Variants in SCAPER observed in about 807,000 individuals in gnomAD.
The protein encoded by SCAPER is S-phase cyclin A associated protein in the ER.
A neutral mutation model predicts 182.2 loss-of-function variants in SCAPER; 98 were observed. The observed-to-expected ratio is 0.54, with a 90% CI of 0.46 to 0.64. SCAPER has a LOEUF of 0.64. SCAPER is among the 30% of genes least tolerant of loss of function. The probability of loss-of-function intolerance (pLI) is 0.00; values close to 1 mark genes in which losing one functional copy is unlikely to be tolerated. For synonymous variants in SCAPER, 605 were observed against 564.6 expected, an observed-to-expected ratio of 1.07 and a Z score of -1.01; for missense variants, 1,432 against 1,690.0, an observed-to-expected ratio of 0.85 and a Z score of 2.68.
intron 14 of SCAPER, among the ~76,000 whole-genome samples, chr15:76,757,959 T>C (rs867453340): frequency 1.3e-5 from 2 of 152,238 alleles, no homozygotes; most frequent in Non-Finnish European, 2.9e-5. Flanking sequence ...GGCTGTTTTC[T>C]TGCCATTGAG....
chr15:76,664,152 G>C (rs1438468945), intron 21 of SCAPER, among the ~76,000 whole-genome samples: 1 of 152,146 alleles, frequency 6.6e-6, no homozygotes, highest in Admixed American at 6.6e-5. Context: ...GTTTTGACAA[G>C]AGCAGCGACA....
chr15:76,612,246 C>T (rs1450879033), intron 22 of SCAPER, among the ~76,000 whole-genome samples: 2 of 151,748 alleles, frequency 1.3e-5, no homozygotes, highest in East Asian at 1.9e-4. Flanking sequence ...TTCTTTTTTG[C>T]TTTTTTTTGA....
At chr15:76,613,738 G>A (rs1038862334) in intron 22 of SCAPER, among the ~76,000 whole-genome samples, 2 of 152,062 alleles carry the variant, frequency 1.3e-5, no homozygotes, top group Non-Finnish European at 2.9e-5. Context: ...AAATGGCTAC[G>A]ATTTAAAAGT....
At chr15:76,848,603 G>T (rs2070387100) in intron 4 of SCAPER, among the ~76,000 whole-genome samples, 2 of 151,976 alleles carry the variant, frequency 1.3e-5, no homozygotes, top group Non-Finnish European at 2.9e-5. Context: ...CAAAGTGCTG[G>T]GATTATAGGC....
At chr15:76,491,485 G>A (rs1156576688) in intron 24 of SCAPER, among the ~76,000 whole-genome samples, 2 of 152,112 alleles carry the variant, frequency 1.3e-5, no homozygotes, top group Non-Finnish European at 2.9e-5. Context: ...TGGGATTGCT[G>A]GATCATACAC....
chr15:76,834,073 G>C (rs1294106457), intron 5 of SCAPER, among the ~76,000 whole-genome samples: 1 of 152,114 alleles, frequency 6.6e-6, no homozygotes, highest in Non-Finnish European at 1.5e-5. Context: ...TCTACACACA[G>C]CACATACTCT....
intron 23 of SCAPER, among the ~76,000 whole-genome samples, chr15:76,553,664 G>A (rs2045961608): frequency 6.6e-6 from 1 of 152,142 alleles, no homozygotes; most frequent in South Asian, 2.1e-4. Context: ...ACAAAGCCAA[G>A]GGCTTGGTCC....
At chr15:76,391,411 C>T (rs1567046241) in intron 27 of SCAPER, among the ~76,000 whole-genome samples, 1 of 152,122 alleles carries the variant, frequency 6.6e-6, no homozygotes, top group African/African-American at 2.4e-5. Flanking sequence ...GTATCTTGTT[C>T]ATCAATCGAT....
At chr15:76,664,168 T>A (rs2056401976) in intron 21 of SCAPER, among the ~76,000 whole-genome samples, 1 of 152,142 alleles carries the variant, frequency 6.6e-6, no homozygotes, top group Non-Finnish European at 1.5e-5. Context: ...CGACAGGCTG[T>A]GACTTACATT....
chr15:76,871,029 A>T (rs968152654), intron 2 of SCAPER, among the ~76,000 whole-genome samples: 16 of 152,256 alleles, frequency 1.1e-4, no homozygotes, highest in Non-Finnish European at 1.6e-4. Flanking sequence ...ATTCTATAAG[A>T]AATAATAAAT....
intron 10 of SCAPER, among the ~76,000 whole-genome samples, chr15:76,771,295 A>G (rs2063458588): frequency 6.6e-6 from 1 of 152,120 alleles, no homozygotes; most frequent in East Asian, 1.9e-4. Context: ...AGATTCTGGA[A>G]TAGGGATGGT....
chr15:76,671,281 C>T (rs1257420780), intron 20 of SCAPER, among the ~76,000 whole-genome samples: 6 of 152,036 alleles, frequency 3.9e-5, no homozygotes, highest in Non-Finnish European at 7.4e-5. Flanking sequence ...AACAGTGAGC[C>T]GTGATTGCAC....
In SCAPER at chr15:76,835,329, T is replaced by G. The variant is rs116970681; in HGVS notation, c.393+6405A>C. On this transcript the variant is annotated intron_variant, in intron 5 of 31. Transcript: ENST00000563290. ...CTAGCAAACAGAATCAAGCAGCACA[T>G]CAAAAAGTTAATTCACCATGATCAA... 3.4e-4 allele frequency among the ~76,000 whole-genome samples: 51 copies of G among 151,838 alleles called. 2 individuals are homozygous for G. In the East Asian group the frequency reaches 9.1e-3, roughly 27 times the overall value.
intron 21 of SCAPER, among the ~76,000 whole-genome samples, chr15:76,657,119 TGACA>T (rs890996161): frequency 6.6e-5 from 10 of 152,046 alleles, no homozygotes; most frequent in South Asian, 4.2e-4. Flanking sequence ...TTGATTTTTT[TGACA>T]GACAAAGTAA....
chr15:76,843,078 C>G (rs2069639356), intron 4 of SCAPER, among the ~76,000 whole-genome samples: 1 of 152,204 alleles, frequency 6.6e-6, no homozygotes, highest in Non-Finnish European at 1.5e-5. Context: ...TACCATTCAT[C>G]CCTACCTGTT....
intron 23 of SCAPER, among the ~76,000 whole-genome samples, chr15:76,518,954 C>T (rs182525609): frequency 7.2e-4 from 109 of 152,324 alleles, no homozygotes; most frequent in Non-Finnish European, 3.4e-4. Flanking sequence ...CCACTGAATT[C>T]TAACTTTAGA....
At chr15:76,809,472 T>G (rs2066429860) in intron 5 of SCAPER, among the ~76,000 whole-genome samples, 1 of 151,672 alleles carries the variant, frequency 6.6e-6, no homozygotes, top group African/African-American at 2.4e-5. Flanking sequence ...CAACTAAAAA[T>G]TTTAATATAG....
At chr15:76,733,181 A>C (rs999249487) in intron 16 of SCAPER, 48 bp downstream of exon 16, 6 of 1,534,202 alleles carry the variant, frequency 3.9e-6, no homozygotes, top group Non-Finnish European at 5.3e-6. Context: ...TGGACCCTAC[A>C]AATATGACAG....
chr15:76,588,440 C>A (rs991166087), intron 22 of SCAPER, among the ~76,000 whole-genome samples: 1 of 152,146 alleles, frequency 6.6e-6, no homozygotes, highest in Non-Finnish European at 1.5e-5. Context: ...TTTCCATTTG[C>A]ATGGAATGTC....
Sources: gnomAD v4.1 joint callset for allele counts (sites outside exome capture counted in the v4.1 genomes callset) on GRCh38, gnomAD v4.1.1 for gene constraint, MANE v1.5 for transcripts, NCBI Gene and HGNC (gene_info 2026-07-23, HGNC 2026-07-21) for gene names.